Variants in ZNF385B observed in about 807,000 individuals in gnomAD.
ZNF385B encodes zinc finger protein 385B, also known as zinc finger protein 533.
Under a neutral mutation model 39.2 loss-of-function variants are expected in ZNF385B, and 23 were observed. The observed-to-expected ratio is 0.59, with a 90% CI of 0.42 to 0.83. The LOEUF is 0.83. Among genes scored for constraint, ZNF385B ranks in the 40% least tolerant of loss-of-function variants. The pLI is 0.00. For synonymous variants in ZNF385B, 205 were observed against 222.6 expected (o/e 0.92, Z 0.70); for missense variants, 552 against 598.9 (o/e 0.92, Z 0.82).
chr2:179,646,314 C>T (rs1170887154), intron 3 of ZNF385B, among the ~76,000 whole-genome samples: 1 of 152,094 alleles, frequency 6.6e-6, no homozygotes, highest in Non-Finnish European at 1.5e-5. Context: ...ACTCAGCAGG[C>T]TGAGGCAAAA....
intron 4 of ZNF385B, among the ~76,000 whole-genome samples, chr2:179,541,242 G>T (rs577866855): frequency 1.3e-5 from 2 of 152,230 alleles, no homozygotes; most frequent in South Asian, 2.1e-4. Context: ...CATTGAGAGA[G>T]ATTCTGTCAG....
chr2:179,468,082 T>G (rs2052288836), intron 6 of ZNF385B, among the ~76,000 whole-genome samples: 1 of 152,212 alleles, frequency 6.6e-6, no homozygotes, highest in African/African-American at 2.4e-5. Flanking sequence ...AAGCATCATA[T>G]GACAACTACC....
chr2:179,844,877 C>T (rs184446523), intron 1 of ZNF385B, among the ~76,000 whole-genome samples: 12 of 152,278 alleles, frequency 7.9e-5, no homozygotes, highest in Admixed American at 2.6e-4. Context: ...ATAACTCTCT[C>T]GTGAGTGATA....
At chr2:179,743,732 T>C (rs910620373) in intron 3 of ZNF385B, among the ~76,000 whole-genome samples, 2 of 152,152 alleles carry the variant, frequency 1.3e-5, no homozygotes, top group African/African-American at 2.4e-5. Context: ...TCTTAGCACA[T>C]TGACAAATGC....
At chr2:179,797,323 G>A (rs1363360175) in intron 1 of ZNF385B, among the ~76,000 whole-genome samples, 1 of 152,068 alleles carries the variant, frequency 6.6e-6, no homozygotes, top group Non-Finnish European at 1.5e-5. Flanking sequence ...AACCAAGAAT[G>A]ATATCATTTT....
At chr2:179,788,466 AG>A (rs1241420356) in intron 1 of ZNF385B, among the ~76,000 whole-genome samples, 2 of 152,152 alleles carry the variant, frequency 1.3e-5, no homozygotes, top group Non-Finnish European at 2.9e-5. Context: ...GCAATTCCTG[AG>A]GCTCCCTTGA....
rs75770599 is a variant in ZNF385B at position 179,819,954 on chromosome 2, G to C, written c.-155+41147C>G. Among the ~76,000 whole-genome samples, 312 of 152,214 alleles carry C rather than the reference G, an allele frequency of 2.0e-3. 2 individuals are homozygous for C. The highest frequency in any genetic ancestry group is 7.3e-3 in the African/African-American group (302 of 41,534). On this transcript the variant is annotated intron_variant, in intron 1 of 9. Coordinates refer to ENST00000410066, the MANE Select transcript of ZNF385B (RefSeq NM_152520.6). Reference sequence around the variant, plus strand: ...TGTCTGGAGATAGATCGAAATCATAGCACATTTTAAAAAAATGTCATTAGC... The same window carrying C: ...TGTCTGGAGATAGATCGAAATCATACCACATTTTAAAAAAATGTCATTAGC...
At chr2:179,828,605 C>CT (rs1707807405) in intron 1 of ZNF385B, among the ~76,000 whole-genome samples, 2 of 151,956 alleles carry the variant, frequency 1.3e-5, no homozygotes, top group Admixed American at 1.3e-4. Flanking sequence ...AAAAAGAATA[C>CT]CAAGACAATC....
intron 6 of ZNF385B, among the ~76,000 whole-genome samples, chr2:179,475,124 A>G (rs367691822): frequency 8.5e-5 from 13 of 152,204 alleles, no homozygotes; most frequent in East Asian, 5.8e-4. Context: ...ATGAAATACA[A>G]TGAAATATTG....
chr2:179,586,317 T>C (rs1245170533), intron 3 of ZNF385B, among the ~76,000 whole-genome samples: 1 of 152,252 alleles, frequency 6.6e-6, no homozygotes, highest in East Asian at 1.9e-4. Context: ...CATTTGTTTT[T>C]ATAGATGTCT....
At chr2:179,648,797 A>G (rs953579173) in intron 3 of ZNF385B, among the ~76,000 whole-genome samples, 3 of 152,198 alleles carry the variant, frequency 2.0e-5, no homozygotes, top group Non-Finnish European at 4.4e-5. Context: ...TTGCACATCA[A>G]AATAATTGAT....
At chr2:179,493,388 T>C (rs1331696269) in intron 5 of ZNF385B, among the ~76,000 whole-genome samples, 3 of 151,628 alleles carry the variant, frequency 2.0e-5, no homozygotes, top group African/African-American at 7.3e-5. Context: ...CGCGCACATA[T>C]ATGTATGCAT....
intron 4 of ZNF385B, 49 bp from the exon 5 acceptor site, chr2:179,518,687 C>A: frequency 2.5e-6 from 3 of 1,200,116 alleles, no homozygotes; most frequent in Non-Finnish European, 3.5e-6. Flanking sequence ...AAAGAAAAGA[C>A]AACAGTGTGA....
At chr2:179,823,767 C>G (rs1037348729) in intron 1 of ZNF385B, among the ~76,000 whole-genome samples, 2 of 152,170 alleles carry the variant, frequency 1.3e-5, no homozygotes, top group Non-Finnish European at 2.9e-5. Context: ...ACATCCAACT[C>G]TAAGATCTTC....
At chr2:179,445,433 C>G (rs1033705345) in intron 8 of ZNF385B, 117 bp downstream of exon 8, 11 of 944,424 alleles carry the variant, frequency 1.2e-5, no homozygotes, top group Non-Finnish European at 1.3e-5. Context: ...TTGTCTGCAT[C>G]CTACAAAAGT....
In ZNF385B at chr2:179,512,638, A is replaced by C. The variant is rs192796543; in HGVS notation, c.552+5890T>G. ...GTTGCAGTATACTCAGTTACTGGAG[A>C]ATAAAGAAACATTCAGGGTTAGACA... On this transcript the variant is annotated intron_variant, in intron 5 of 9. Coordinates refer to ENST00000410066, the MANE Select transcript of ZNF385B (RefSeq NM_152520.6). Among the ~76,000 whole-genome samples, 15 of 152,242 alleles carry C rather than the reference A, an allele frequency of 9.9e-5. No individual in the cohort carries two copies. In the East Asian group the frequency reaches 2.9e-3, roughly 29 times the overall value.
At chr2:179,855,361 T>C (rs1263223732) in intron 1 of ZNF385B, among the ~76,000 whole-genome samples, 1 of 152,210 alleles carries the variant, frequency 6.6e-6, no homozygotes, top group East Asian at 1.9e-4. Flanking sequence ...CAAAATAAAA[T>C]GCTCTCTTAG....
chr2:179,478,073 C>T (rs536198232), intron 6 of ZNF385B, among the ~76,000 whole-genome samples: 91 of 152,252 alleles, frequency 6.0e-4, no homozygotes, highest in Non-Finnish European at 6.3e-4. Context: ...ATGAAACAAG[C>T]GTGAAACAAG....
At chr2:179,760,764 G>C (rs896798938) in intron 3 of ZNF385B, among the ~76,000 whole-genome samples, 1 of 152,150 alleles carries the variant, frequency 6.6e-6, no homozygotes, top group Non-Finnish European at 1.5e-5. Flanking sequence ...AAAAGACATA[G>C]ACACACAGAG....
Sources: allele counts gnomAD v4.1 joint callset (sites outside exome capture counted in the v4.1 genomes callset), GRCh38; gene constraint gnomAD v4.1.1; transcripts MANE v1.5; gene names NCBI Gene and HGNC (gene_info 2026-07-23, HGNC 2026-07-21).